CTNND2: variants seen among roughly 807,000 people sequenced by gnomAD.
CTNND2 encodes catenin delta-2.
In CTNND2, 22 loss-of-function variants were observed where a neutral mutation model predicts 144.4. The ratio of observed to expected loss-of-function variants is 0.15; its 90% CI spans 0.11 to 0.22. The LOEUF (loss-of-function observed/expected upper bound fraction) is 0.22, where lower values mean the gene tolerates loss of function less well. Among genes scored for constraint, CTNND2 ranks in the 10% least tolerant of loss-of-function variants. CTNND2 has a pLI of 1.00. For synonymous variants in CTNND2, 751 were observed against 695.6 expected (o/e 1.08, Z -1.25); for missense variants, 1,353 against 1,618.8 (o/e 0.84, Z 2.82).
chr5:11,464,286 G>A (rs1766469147), intron 3 of CTNND2, among the ~76,000 whole-genome samples: 1 of 152,082 alleles, frequency 6.6e-6, no homozygotes, highest in South Asian at 2.1e-4. Flanking sequence ...AATAAAATAG[G>A]GACAGAAAGT....
At chr5:11,509,440 C>T (rs1487484766) in intron 3 of CTNND2, among the ~76,000 whole-genome samples, 1 of 151,956 alleles carries the variant, frequency 6.6e-6, no homozygotes, top group East Asian at 1.9e-4. Flanking sequence ...TCCCATTTTT[C>T]CTACATAATA....
intron 2 of CTNND2, among the ~76,000 whole-genome samples, chr5:11,625,563 T>C (rs1781114262): frequency 6.6e-6 from 1 of 152,144 alleles, no homozygotes; most frequent in South Asian, 2.1e-4. Flanking sequence ...GGATTAAACA[T>C]TTCTTTAAAA....
At chr5:11,806,929 T>C (rs4299738) in intron 1 of CTNND2, among the ~76,000 whole-genome samples, 15,127 of 152,072 alleles carry the variant, frequency 0.099, 1,779 homozygotes, top group African/African-American at 0.28. Context: ...GTAATTACAT[T>C]TGAGTGGATG....
chr5:11,278,895 C>T (rs1287388684), intron 9 of CTNND2, among the ~76,000 whole-genome samples: 1 of 152,146 alleles, frequency 6.6e-6, no homozygotes, highest in Non-Finnish European at 1.5e-5. Flanking sequence ...TCCCTCGTTG[C>T]TTGACTTCTA....
intron 2 of CTNND2, among the ~76,000 whole-genome samples, chr5:11,634,653 AAT>A (rs1234211276): frequency 2.0e-5 from 3 of 152,186 alleles, no homozygotes; most frequent in African/African-American, 7.2e-5. Context: ...AGTTGCACAA[AAT>A]ATAAGATGAA....
At chr5:11,478,458 G>A (rs1157647550) in intron 3 of CTNND2, among the ~76,000 whole-genome samples, 1 of 152,198 alleles carries the variant, frequency 6.6e-6, no homozygotes, top group Non-Finnish European at 1.5e-5. Context: ...CTTAGAAGAT[G>A]GGAATTGCTG....
At chr5:11,464,147 T>C (rs2149940148) in intron 3 of CTNND2, among the ~76,000 whole-genome samples, 1 of 152,336 alleles carries the variant, frequency 6.6e-6, no homozygotes, top group South Asian at 2.1e-4. Context: ...AAGTGCCTAG[T>C]CCTCTTTAGG....
Position 11,311,381 on chromosome 5 carries a change from T to C in CTNND2, c.1628+34991A>G. 1.6e-5 allele frequency among the ~76,000 whole-genome samples: 2 copies of C among 125,700 alleles called. 1 individual carries two copies. Among genetic ancestry groups the C allele is most frequent in the Non-Finnish European group, 3.3e-5 (2 of 60,380 alleles). The allele number at this position is 125,700 out of a possible 152,430, so 82.5% of individuals were successfully genotyped here. ...CCCACATGTACATATACTCTAACAT[T>C]CTCTCCATGCACCCTCACCTCACAT... is the stretch of plus-strand genomic sequence containing the variant. On this transcript the variant is annotated intron_variant, in intron 9 of 21. Coordinates refer to ENST00000304623, the MANE Select transcript of CTNND2 (RefSeq NM_001332.4).
chr5:11,258,106 T>G (rs1744465320), intron 9 of CTNND2, among the ~76,000 whole-genome samples: 1 of 152,188 alleles, frequency 6.6e-6, no homozygotes, highest in African/African-American at 2.4e-5. Flanking sequence ...CTGAGTGCCG[T>G]GTTGGCAGGA....
intron 3 of CTNND2, among the ~76,000 whole-genome samples, chr5:11,555,218 T>C (rs1029221645): frequency 1.3e-5 from 2 of 152,140 alleles, no homozygotes; most frequent in Admixed American, 1.3e-4. Context: ...AGAAATTACT[T>C]ATAGACTAGC....
chr5:11,750,594 C>T (rs1269556447), intron 1 of CTNND2, among the ~76,000 whole-genome samples: 1 of 151,770 alleles, frequency 6.6e-6, no homozygotes, highest in Non-Finnish European at 1.5e-5. Flanking sequence ...TTTGTTTTGC[C>T]CCCAAAGGGT....
intron 16 of CTNND2, among the ~76,000 whole-genome samples, chr5:11,045,422 C>T (rs916036119): frequency 1.3e-5 from 2 of 152,102 alleles, no homozygotes; most frequent in African/African-American, 2.4e-5. Context: ...CTTGCAATAT[C>T]GAACAGAGTG....
chr5:11,816,155 A>C (rs1792635873), intron 1 of CTNND2, among the ~76,000 whole-genome samples: 1 of 152,166 alleles, frequency 6.6e-6, no homozygotes, highest in African/African-American at 2.4e-5. Context: ...ACCTACAAAC[A>C]CATGCAGTGT....
chr5:11,267,986 A>T (rs1745626685), intron 9 of CTNND2, among the ~76,000 whole-genome samples: 1 of 152,230 alleles, frequency 6.6e-6, no homozygotes, highest in Admixed American at 6.5e-5. Context: ...AGATGGAACA[A>T]ACCAATGATT....
intron 6 of CTNND2, among the ~76,000 whole-genome samples, chr5:11,391,493 G>T (rs936995651): frequency 5.9e-4 from 90 of 152,258 alleles, no homozygotes; most frequent in African/African-American, 2.0e-3. Flanking sequence ...CAAATAAGTT[G>T]TGTGCCTTGA....
intron 1 of CTNND2, among the ~76,000 whole-genome samples, chr5:11,855,581 T>C (rs892038875): frequency 6.6e-6 from 1 of 152,058 alleles, no homozygotes; most frequent in African/African-American, 2.4e-5. Flanking sequence ...GATAAAAAGG[T>C]ATATGAAATA....
At position 11,714,702 on chromosome 5, in the gene CTNND2, C is replaced by T. The variant is rs142459366; in HGVS notation, c.174+17434G>A. Among the ~76,000 whole-genome samples the T allele has an allele frequency of 1.3e-3, 197 of 151,892 alleles. 1 individual carries two copies. The highest frequency in any genetic ancestry group is 4.5e-3 in the African/African-American group (186 of 41,440). ...CGGGCGGATCAAGAGGTCAGGAGAT[C>T]GAGACTATCCTGGCTAACACAGTGA... On this transcript the variant is annotated intron_variant, in intron 2 of 21. Coordinates refer to ENST00000304623, the MANE Select transcript of CTNND2 (RefSeq NM_001332.4).
chr5:11,533,050 A>C (rs1184474165), intron 3 of CTNND2, among the ~76,000 whole-genome samples: 1 of 152,224 alleles, frequency 6.6e-6, no homozygotes, highest in Non-Finnish European at 1.5e-5. Context: ...TGTTCCCATG[A>C]AGTGGCAGCC....
At chr5:10,976,863 T>C (rs1421595304) in intron 21 of CTNND2, among the ~76,000 whole-genome samples, 1 of 152,098 alleles carries the variant, frequency 6.6e-6, no homozygotes, top group Non-Finnish European at 1.5e-5. Flanking sequence ...AGACTCAGAG[T>C]GTTCACAGAA....
Sources: allele counts gnomAD v4.1 joint callset (sites outside exome capture counted in the v4.1 genomes callset), GRCh38; gene constraint gnomAD v4.1.1; transcripts MANE v1.5; gene names NCBI Gene and HGNC (gene_info 2026-07-23, HGNC 2026-07-21).